The following LRRC40 variants were observed in gnomAD, a reference collection of about 807,000 sequenced individuals.
LRRC40 encodes leucine-rich repeat-containing protein 40.
LRRC40 carries 76 observed loss-of-function variants against 72.8 expected under a neutral mutation model. That is an observed-to-expected ratio of 1.04 (90% CI 0.87 to 1.26). The LOEUF is 1.26. Ranked by LOEUF, LRRC40 falls within the 50% of genes most tolerant of loss-of-function variation. The probability of loss-of-function intolerance (pLI) is 0.00; values close to 1 mark genes in which losing one functional copy is unlikely to be tolerated. For synonymous variants in LRRC40, 243 were observed against 254.2 expected (o/e 0.96, Z 0.42); for missense variants, 684 against 698.9 (o/e 0.98, Z 0.24).
chr1:70,205,408 C>T lies in LRRC40; in HGVS notation c.133G>A (p.Gly45Ser), dbSNP rs1286245229. 3 of 1,595,418 alleles carry T rather than the reference C, an allele frequency of 1.9e-6. No homozygotes were observed. Among genetic ancestry groups the T allele is most frequent in the Non-Finnish European group, 2.6e-6 (3 of 1,165,922 alleles). The change falls in exon 1 of 15, where the codon GGT (glycine) becomes AGT (serine). Residue 45 changes from glycine to serine, a missense_variant. Coordinates refer to ENST00000370952, the MANE Select transcript of LRRC40 (RefSeq NM_017768.5). ...GTCTTACCTTCACTGAGGTTTCTAC[C>T]CGACAGGTTTAACTGGCCGCTCTTC... The part of the protein sequence containing the change: ...ARKSGQLNLS[G>S]RNLSEVPQCV...
At chr1:70,150,241 T>C (rs927005755) in intron 13 of LRRC40, among the ~76,000 whole-genome samples, 1 of 152,152 alleles carries the variant, frequency 6.6e-6, no homozygotes, top group South Asian at 2.1e-4. Context: ...TTTAATTAAA[T>C]TGTTTTTAGA....
At chr1:70,160,584 G>A (rs1667734245) in intron 9 of LRRC40, among the ~76,000 whole-genome samples, 1 of 152,044 alleles carries the variant, frequency 6.6e-6, no homozygotes, top group Admixed American at 6.5e-5. Flanking sequence ...AATAAGCAGA[G>A]AGACACTATT....
At chr1:70,160,981 A>G (rs1234324759) in intron 9 of LRRC40, among the ~76,000 whole-genome samples, 1 of 152,132 alleles carries the variant, frequency 6.6e-6, no homozygotes, top group East Asian at 1.9e-4. Flanking sequence ...AAGATCCTAT[A>G]GGTTTCCAGA....
chr1:70,187,479 T>C (rs967364195), intron 2 of LRRC40, 141 bp from the exon 3 acceptor site: 4 of 539,866 alleles, frequency 7.4e-6, no homozygotes, highest in Non-Finnish European at 1.3e-5. Flanking sequence ...CTGTTCAACA[T>C]ACTTGTTCTG....
intron 4 of LRRC40, among the ~76,000 whole-genome samples, chr1:70,181,917 T>C (rs1668255456): frequency 6.6e-6 from 1 of 152,030 alleles, no homozygotes; most frequent in African/African-American, 2.4e-5. Context: ...AGGTAATTTT[T>C]ATAACACTCA....
chr1:70,188,390 T>C (rs1200071686), intron 2 of LRRC40, among the ~76,000 whole-genome samples: 2 of 152,162 alleles, frequency 1.3e-5, no homozygotes, highest in Non-Finnish European at 2.9e-5. Flanking sequence ...TGAAGGCAAG[T>C]AATACATATA....
At chr1:70,175,269 T>C (rs1668078099) in intron 7 of LRRC40, among the ~76,000 whole-genome samples, 1 of 152,186 alleles carries the variant, frequency 6.6e-6, no homozygotes, top group Non-Finnish European at 1.5e-5. Flanking sequence ...GAGTTTATCT[T>C]ACAATATGGT....
intron 1 of LRRC40, among the ~76,000 whole-genome samples, chr1:70,202,785 G>C (rs1295658398): frequency 1.3e-5 from 2 of 152,192 alleles, no homozygotes; most frequent in Non-Finnish European, 2.9e-5. Flanking sequence ...GCTGGAGACA[G>C]AGGGTATATG....
chr1:70,199,031 G>A (rs1668676048), intron 1 of LRRC40, among the ~76,000 whole-genome samples: 1 of 151,958 alleles, frequency 6.6e-6, no homozygotes, highest in South Asian at 2.1e-4. Flanking sequence ...CATCCCTGTA[G>A]TCTCAGACAC....
chr1:70,152,652 T>C, intron 11 of LRRC40, 109 bp from the exon 12 acceptor site: 1 of 672,172 alleles, frequency 1.5e-6, no homozygotes, highest in South Asian at 1.7e-5. Flanking sequence ...CTGCTAATTA[T>C]GACTTTTTGT....
chr1:70,191,225 G>A (rs555600622), intron 1 of LRRC40, among the ~76,000 whole-genome samples: 50 of 152,046 alleles, frequency 3.3e-4, no homozygotes, highest in Middle Eastern at 3.4e-3. Flanking sequence ...AAGAAAGTAT[G>A]TAGAAAAAGC....
intron 3 of LRRC40, among the ~76,000 whole-genome samples, chr1:70,186,982 C>A (rs1668374494): frequency 6.7e-6 from 1 of 149,748 alleles, no homozygotes. Context: ...ACTACAATAA[C>A]AAACCACTAA....
intron 9 of LRRC40, among the ~76,000 whole-genome samples, chr1:70,160,821 A>G (rs1201183675): frequency 2.0e-5 from 3 of 152,054 alleles, no homozygotes; most frequent in Non-Finnish European, 2.9e-5. Flanking sequence ...AACCATGTGC[A>G]TTTACTGTCT....
At chr1:70,187,661 CA>C (rs55729031) in intron 2 of LRRC40, among the ~76,000 whole-genome samples, 150 of 126,760 alleles carry the variant, frequency 1.2e-3, no homozygotes, top group Middle Eastern at 4.0e-3. Context: ...CTTGTCTCTA[CA>C]AAAAAAAAAA....
chr1:70,167,973 T>C (rs1429084939), intron 9 of LRRC40, among the ~76,000 whole-genome samples: 2 of 152,130 alleles, frequency 1.3e-5, no homozygotes, highest in East Asian at 1.9e-4. Context: ...AGAAAATCTA[T>C]GGAAATTTTG....
At chr1:70,163,795 T>C (rs1198045526) in intron 9 of LRRC40, among the ~76,000 whole-genome samples, 3 of 152,276 alleles carry the variant, frequency 2.0e-5, no homozygotes, top group East Asian at 1.9e-4. Flanking sequence ...AATCAGGTGA[T>C]AGAGCTTGAA....
intron 6 of LRRC40, 149 bp from the exon 7 acceptor site, chr1:70,176,131 C>A: frequency 6.5e-6 from 3 of 464,840 alleles, no homozygotes; most frequent in Non-Finnish European, 7.4e-6. Flanking sequence ...TTTAAATTTT[C>A]AATTATATTT....
At chr1:70,167,671 G>A (rs559668489) in intron 9 of LRRC40, among the ~76,000 whole-genome samples, 73 of 152,200 alleles carry the variant, frequency 4.8e-4, no homozygotes, top group Middle Eastern at 6.8e-3. Flanking sequence ...CTGGAGTGCA[G>A]TGGCACAATC....
At chr1:70,163,223 G>A (rs574517777) in intron 9 of LRRC40, among the ~76,000 whole-genome samples, 12 of 152,040 alleles carry the variant, frequency 7.9e-5, no homozygotes, top group Admixed American at 6.5e-4. Context: ...TTACAGGCAC[G>A]CGCCACCATG....
Sources: gnomAD v4.1 joint callset for allele counts (sites outside exome capture counted in the v4.1 genomes callset) on GRCh38, gnomAD v4.1.1 for gene constraint, MANE v1.5 for transcripts, NCBI Gene and HGNC (gene_info 2026-07-23, HGNC 2026-07-21) for gene names.